OR51B5: variants seen among roughly 807,000 people sequenced by gnomAD.
OR51B5 encodes the protein olfactory receptor 51B5.
For missense variants in OR51B5, 456 were observed against 374.6 expected (o/e 1.22, Z -1.79); for synonymous variants, 186 against 144.8 (o/e 1.28, Z -2.04).
intron 1 of OR51B5, among the ~76,000 whole-genome samples, chr11:5,431,997 T>C (rs2133769197): frequency 6.6e-6 from 1 of 152,350 alleles, no homozygotes; most frequent in South Asian, 2.1e-4. Flanking sequence ...ATTCATCACC[T>C]TGAGTGCTTA....
At chr11:5,358,963 T>C (rs11517976) in intron 1 of OR51B5, among the ~76,000 whole-genome samples, 55,520 of 149,982 alleles carry the variant, frequency 0.37, 10,396 homozygotes, top group Non-Finnish European at 0.4. Context: ...CTAAAAACTC[T>C]CAATAAATTA....
intron 1 of OR51B5, among the ~76,000 whole-genome samples, chr11:5,375,822 A>T (rs1462939644): frequency 1.1e-4 from 16 of 152,162 alleles, no homozygotes; most frequent in Non-Finnish European, 1.6e-4. Context: ...AAGTCCTTAG[A>T]GACCTACAAA....
upstream of OR51B5, among the ~76,000 whole-genome samples, chr11:5,347,555 CA>C (rs1849012334): frequency 6.6e-6 from 1 of 152,142 alleles, no homozygotes; most frequent in African/African-American, 2.4e-5. Context: ...ATGCGTTTTA[CA>C]GTAAGGACTA....
chr11:5,404,806 C>T (rs752409346), intron 1 of OR51B5, among the ~76,000 whole-genome samples: 16 of 152,314 alleles, frequency 1.1e-4, no homozygotes, highest in South Asian at 2.1e-4. Flanking sequence ...TGAACACCTG[C>T]AGATGCACCA....
At chr11:5,391,516 A>G (rs1849794859) in intron 1 of OR51B5, 1 of 152,242 alleles carries the variant, frequency 6.6e-6, no homozygotes, top group Admixed American at 6.5e-5. Context: ...CATATACTCA[A>G]TAAATATTAA....
At chr11:5,473,854 AGTGTGT>A (rs71053262) in intron 1 of OR51B5, among the ~76,000 whole-genome samples, 208 of 150,116 alleles carry the variant, frequency 1.4e-3, no homozygotes, top group South Asian at 7.8e-3. Flanking sequence ...TTACAAAATG[AGTGTGT>A]GTGTGTGTGT....
At chr11:5,480,846 T>A (rs1851408001) in intron 1 of OR51B5, among the ~76,000 whole-genome samples, 1 of 106,624 alleles carries the variant, frequency 9.4e-6, no homozygotes, top group African/African-American at 3.3e-5. Context: ...TAACAGGAGC[T>A]GAAATTGTGG....
At chr11:5,483,589 A>G (rs377073536) in intron 1 of OR51B5, among the ~76,000 whole-genome samples, 1 of 152,060 alleles carries the variant, frequency 6.6e-6, no homozygotes, top group East Asian at 1.9e-4. Context: ...AGACAAGGAA[A>G]GAAGTGAAAA....
At chr11:5,356,097 T>G (rs1849190002) in intron 1 of OR51B5, among the ~76,000 whole-genome samples, 2 of 152,074 alleles carry the variant, frequency 1.3e-5, no homozygotes, top group Admixed American at 6.5e-5. Context: ...ATGCAGCTCC[T>G]CACCAGCAAC....
chr11:5,381,797 AAATC>A (rs1272604141), intron 1 of OR51B5, among the ~76,000 whole-genome samples: 3 of 152,222 alleles, frequency 2.0e-5, no homozygotes, highest in Non-Finnish European at 4.4e-5. Flanking sequence ...GTTTTCAAAT[AAATC>A]TATTGCTTGG....
rs554096970 is a variant in OR51B5, at chr11:5,343,503, G to T, written c.22C>A (p.His8Asn). ...GGAAAACCAGTCAATAGGAAGGGAT[G>T]GGAGCTGCCGCTGGACGACATCCTG... is the stretch of plus-strand genomic sequence containing the variant. Residue 8 changes from histidine (H) to asparagine (N), a missense_variant, in exon 1 of 1, where the codon CAT (histidine) becomes AAT (asparagine). Transcript: ENST00000300773. The T allele has an allele frequency of 8.0e-5, 90 of 1,122,158 alleles. No individual in the cohort carries two copies. In the Middle Eastern group the frequency reaches 1.0e-3, roughly 13 times the overall value. 69.5% of individuals were successfully genotyped at this position (1,122,158 alleles called of 1,614,324 possible).
intron 1 of OR51B5, chr11:5,505,230 T>C: frequency 9.7e-7 from 1 of 1,031,752 alleles, no homozygotes; most frequent in South Asian, 1.7e-5. Context: ...GGCAGATAAA[T>C]GCAGTAACAT....
chr11:5,461,478 C>G (rs1335734615), intron 1 of OR51B5, among the ~76,000 whole-genome samples: 1 of 152,158 alleles, frequency 6.6e-6, no homozygotes, highest in Non-Finnish European at 1.5e-5. Flanking sequence ...TCATTCAGAT[C>G]AGACTTGCCC....
rs572039769 is a variant in OR51B5, at chr11:5,489,914, G to A, written n.84+15655C>T. ...TCTCACACTTGTCTTAAAAGTGTCT[G>A]TGACTTACTAAGGAGAAAGTCAATT... On this transcript the variant is annotated intron_variant and non_coding_transcript_variant, in intron 1 of 4. Coordinates refer to the OR51B5 transcript ENST00000415970. 3.3e-5 allele frequency among the ~76,000 whole-genome samples: 5 copies of A among 152,310 alleles called. No individual in the cohort carries two copies. In the East Asian group the frequency reaches 7.7e-4, roughly 24 times the overall value.
At chr11:5,401,621 C>A (rs1849968292) in intron 1 of OR51B5, among the ~76,000 whole-genome samples, 1 of 152,144 alleles carries the variant, frequency 6.6e-6, no homozygotes, top group Non-Finnish European at 1.5e-5. Flanking sequence ...TAGACCTTGT[C>A]TTTGTATATT....
intron 1 of OR51B5, among the ~76,000 whole-genome samples, chr11:5,381,901 A>T (rs759093435): frequency 1.8e-4 from 27 of 152,210 alleles, no homozygotes; most frequent in Non-Finnish European, 3.4e-4. Context: ...AATATTAGAG[A>T]TCTCTAAATG....
intron 1 of OR51B5, among the ~76,000 whole-genome samples, chr11:5,476,097 A>G (rs1305239953): frequency 6.6e-6 from 1 of 152,178 alleles, no homozygotes; most frequent in Non-Finnish European, 1.5e-5. Context: ...CGCAGTAGAG[A>G]AATCTTTAGC....
At chr11:5,488,667 A>G in intron 1 of OR51B5, 5 of 1,338,198 alleles carry the variant, frequency 3.7e-6, no homozygotes, top group Non-Finnish European at 5.3e-6. Flanking sequence ...GGCAAGCATA[A>G]CAATACTATT....
upstream of OR51B5, among the ~76,000 whole-genome samples, chr11:5,344,703 AAC>A (rs1256411775): frequency 6.6e-6 from 1 of 152,240 alleles, no homozygotes; most frequent in Admixed American, 6.5e-5. Flanking sequence ...AATATTTGTG[AAC>A]ACGCATCATG....
Sources: allele counts gnomAD v4.1 joint callset (sites outside exome capture counted in the v4.1 genomes callset), GRCh38; gene constraint gnomAD v4.1.1; transcripts MANE v1.5; gene names NCBI Gene and HGNC (gene_info 2026-07-23, HGNC 2026-07-21).